The following PLXNB2 variants were observed in gnomAD, a reference collection of about 807,000 sequenced individuals.
PLXNB2 encodes the protein plexin B2.
A neutral mutation model predicts 202.6 loss-of-function variants in PLXNB2; 85 were observed. The observed-to-expected ratio is 0.42, with a 90% CI of 0.35 to 0.50. The LOEUF (loss-of-function observed/expected upper bound fraction) is 0.50. PLXNB2 is among the 20% of genes least tolerant of loss of function. The pLI is 0.02. For synonymous variants in PLXNB2, 1,239 were observed against 1,137.6 expected, an observed-to-expected ratio of 1.09 and a Z score of -1.79; for missense variants, 2,063 against 2,586.2, an observed-to-expected ratio of 0.80 and a Z score of 4.39.
rs1364271731 is a variant in PLXNB2 at position 50,297,813 on chromosome 22, T to C, written c.-73-3035A>G. ...TTCAGAAAGCTGCTCTGTGCCTCAG[T>C]TTCCCCATATGTAACCTGGGGGTCA... On this transcript the variant is annotated intron_variant, in intron 1 of 36. Transcript: ENST00000359337. This position sits in a 1 kb window ranked among gnomAD's most constrained non-coding sequence, Gnocchi z 5.3. Among the ~76,000 whole-genome samples the C allele has an allele frequency of 6.6e-6, 1 of 152,112 alleles. No individual in the cohort carries two copies. Among genetic ancestry groups the C allele is most frequent in the African/African-American group, 2.4e-5 (1 of 41,402 alleles).
chr22:50,282,431 G>T (rs977668074), intron 18 of PLXNB2, 118 bp from the exon 19 acceptor site: 2 of 1,078,872 alleles, frequency 1.9e-6, no homozygotes, highest in Non-Finnish European at 2.5e-6. Flanking sequence ...GCATGTGTGG[G>T]TCTCGGTGGG....
intron 1 of PLXNB2, among the ~76,000 whole-genome samples, chr22:50,296,597 A>C: frequency 6.7e-6 from 1 of 149,810 alleles, no homozygotes; most frequent in African/African-American, 2.5e-5. Context: ...TCTCAAAAAA[A>C]AAAAAAAAAA....
intron 1 of PLXNB2, among the ~76,000 whole-genome samples, chr22:50,302,388 G>T (rs963081313): frequency 1.3e-5 from 2 of 152,186 alleles, no homozygotes; most frequent in African/African-American, 4.8e-5. Context: ...GTGTGGGGAG[G>T]TGGGTGCCCC....
chr22:50,287,602 C>G, intron 7 of PLXNB2, 65 bp downstream of exon 7: 1 of 1,438,152 alleles, frequency 7.0e-7, no homozygotes, highest in Non-Finnish European at 9.4e-7. Context: ...CAGCTCCCAG[C>G]ATGGGGGAGC....
Position 50,307,036 on chromosome 22 carries a change from G to A in PLXNB2, c.-74+517C>T, listed in dbSNP as rs565362035. Among the ~76,000 whole-genome samples, 3 of 152,292 alleles carry A rather than the reference G, an allele frequency of 2.0e-5. No individual in the cohort carries two copies. The South Asian group carries it at 6.2e-4, about 32-fold the overall frequency. On this transcript the variant is annotated intron_variant, in intron 1 of 36. Coordinates refer to ENST00000359337, the MANE Select transcript of PLXNB2 (RefSeq NM_012401.4). ...TGTGTCTCGGGGTGTCCACCCAGAC[G>A]CCACTCTGGGAACCGCGAGGAGGCC...
Position 50,278,539 on chromosome 22 carries a change from G to T in PLXNB2, c.4648-20C>A, listed in dbSNP as rs1467845146. On this transcript the variant is annotated intron_variant, in intron 29 of 36. Coordinates refer to ENST00000359337, the MANE Select transcript of PLXNB2 (RefSeq NM_012401.4). ...CCGGACCTGGGGAACACGGCGGTGA[G>T]GGTGGGCTGTGCCCCCAGGGTGCCC... The T allele has an allele frequency of 6.3e-7, 1 of 1,585,700 alleles. No individual in the cohort carries two copies. Among genetic ancestry groups the T allele is most frequent in the East Asian group, 2.3e-5 (1 of 42,948 alleles).
intron 7 of PLXNB2, 114 bp from the exon 8 acceptor site, chr22:50,287,378 C>T: frequency 1.7e-6 from 2 of 1,196,772 alleles, no homozygotes; most frequent in Non-Finnish European, 2.3e-6. Flanking sequence ...GCCTCCAGAA[C>T]CCGACTCCAC....
At chr22:50,292,064 C>A (rs2147563464) in intron 2 of PLXNB2, among the ~76,000 whole-genome samples, 2 of 152,282 alleles carry the variant, frequency 1.3e-5, no homozygotes, top group South Asian at 4.1e-4. Flanking sequence ...TTTGCCAGGC[C>A]CGGTGGCTCA....
intron 2 of PLXNB2, among the ~76,000 whole-genome samples, chr22:50,294,082 G>T (rs2067085983): frequency 6.6e-6 from 1 of 152,228 alleles, no homozygotes; most frequent in African/African-American, 2.4e-5. Flanking sequence ...CAAAGCTCCG[G>T]CGGCGCAGGA....
At position 50,283,943 on chromosome 22, in the gene PLXNB2, G is replaced by A. The variant is rs777258572; in HGVS notation, c.2311C>T (p.Arg771Trp). The change falls in exon 14 of 37, where the codon CGG (arginine) becomes TGG (tryptophan). Residue 771 changes from arginine to tryptophan, a missense_variant. Physicochemically the swap from Arg to Trp is moderately radical, Grantham distance 101 (BLOSUM62 -3). Transcript: ENST00000359337. Reference sequence around the variant, plus strand: ...CACCTGTAGTCGGGGTTAGCGGCCCGGCACAGGCTGCAGTCGCTGCGGCCA... The same window carrying A: ...CACCTGTAGTCGGGGTTAGCGGCCCAGCACAGGCTGCAGTCGCTGCGGCCA... Reference protein sequence around the residue: ...SFGRSDCSLCRAANPDYRCAW... With the variant: ...SFGRSDCSLCWAANPDYRCAW... 2.1e-5 allele frequency: 32 copies of A among 1,559,936 alleles called. No individual in the cohort carries two copies. Among genetic ancestry groups the A allele is most frequent in the East Asian group, 2.4e-5 (1 of 42,032 alleles).
At chr22:50,296,255 CTAGA>C (rs1363304623) in intron 1 of PLXNB2, among the ~76,000 whole-genome samples, 10 of 143,032 alleles carry the variant, frequency 7.0e-5, no homozygotes, top group African/African-American at 2.9e-4. Flanking sequence ...GGAACTTGAA[CTAGA>C]CCGTGAACTG....
At chr22:50,306,151 C>T (rs1353061250) in intron 1 of PLXNB2, among the ~76,000 whole-genome samples, 1 of 152,196 alleles carries the variant, frequency 6.6e-6, no homozygotes, top group African/African-American at 2.4e-5. Flanking sequence ...GAGGGGGACT[C>T]ACATTCCAAA....
At chr22:50,281,827 A>G in intron 20 of PLXNB2, 27 bp downstream of exon 20, 1 of 1,599,448 alleles carries the variant, frequency 6.3e-7, no homozygotes, top group Non-Finnish European at 8.5e-7. Flanking sequence ...AGCAGGACCC[A>G]GACACCCGGG....
chr22:50,283,047 C>T lies in PLXNB2; in HGVS notation c.2816+3G>A. The T allele has an allele frequency of 1.2e-6, 2 of 1,607,018 alleles. No individual in the cohort carries two copies. The highest frequency in any genetic ancestry group is 1.7e-6 in the Non-Finnish European group (2 of 1,176,902). ...AGACTCAGCAGCTGGCGGTGACACC[C>T]ACACTTTACACGGGACGCCGTTGAG... On this transcript the variant is annotated splice_donor_region_variant and intron_variant, in intron 17 of 36. Coordinates refer to ENST00000359337, the MANE Select transcript of PLXNB2 (RefSeq NM_012401.4).
intron 1 of PLXNB2, among the ~76,000 whole-genome samples, chr22:50,296,448 A>G (rs765343241): frequency 4.6e-5 from 7 of 151,748 alleles, no homozygotes; most frequent in Non-Finnish European, 7.4e-5. Flanking sequence ...GCTTGTCTAA[A>G]TAAGAAGCTG....
chr22:50,290,094 C>T lies in PLXNB2; in HGVS notation c.491G>A (p.Gly164Asp), dbSNP rs1410136351. The change falls in exon 3 of 37, where the codon GGT (glycine) becomes GAT (aspartate). Residue 164 changes from glycine (G) to aspartate (D), a missense_variant. By Grantham distance (94) the Gly-to-Asp change is moderately conservative. Coordinates refer to ENST00000359337, the MANE Select transcript of PLXNB2 (RefSeq NM_012401.4). The stretch of plus-strand genomic sequence containing the variant: ...TTTGCCCACAAACAGCACGCGGTCA[C>T]CACCAGGACCCGTGGAGCTCACCAG... The part of the protein sequence containing the change: ...VGLVSSTGPG[G>D]DRVLFVGKGN... 2 of 1,613,038 alleles carry T rather than the reference C, an allele frequency of 1.2e-6. No homozygotes were observed. The highest frequency in any genetic ancestry group is 2.7e-5 in the African/African-American group (2 of 74,944).
At chr22:50,282,351 G>C in intron 18 of PLXNB2, 38 bp from the exon 19 acceptor site, 1 of 1,565,332 alleles carries the variant, frequency 6.4e-7, no homozygotes, top group Admixed American at 1.9e-5. Context: ...CGGCTGGCAG[G>C]GGTGGTCCCT....
chr22:50,279,598 C>T (rs769630106), intron 27 of PLXNB2, 32 bp downstream of exon 27: 16 of 1,607,924 alleles, frequency 1.0e-5, no homozygotes, highest in South Asian at 3.3e-5. Flanking sequence ...AGATCCGAGG[C>T]GCCCATGGCG....
intron 2 of PLXNB2, among the ~76,000 whole-genome samples, chr22:50,292,181 C>CA (rs1053087002): frequency 3.3e-5 from 5 of 151,716 alleles, no homozygotes; most frequent in East Asian, 1.9e-4. Context: ...ACTAAAAACA[C>CA]AAAAAAATTA....
Sources: gnomAD v4.1 joint callset for allele counts (sites outside exome capture counted in the v4.1 genomes callset) on GRCh38, gnomAD v4.1.1 for gene constraint, Gnocchi (gnomAD v3.1) non-coding constraint, MANE v1.5 for transcripts, NCBI Gene and HGNC (gene_info 2026-07-23, HGNC 2026-07-21) for gene names.